The following SMYD3 variants were observed in gnomAD, a reference collection of about 807,000 sequenced individuals.
The protein encoded by SMYD3 is SET and MYND domain containing 3, also known as histone-lysine N-methyltransferase SMYD3.
Under a neutral mutation model 57.7 loss-of-function variants are expected in SMYD3, and 36 were observed. The observed-to-expected ratio is 0.62, with a 90% confidence interval of 0.48 to 0.82. The LOEUF is 0.82. Among genes scored for constraint, SMYD3 ranks in the 40% least tolerant of loss-of-function variants. The pLI, the probability that SMYD3 is intolerant of heterozygous loss-of-function variation, is 0.00. For synonymous variants in SMYD3, 211 were observed against 195.0 expected (o/e 1.08, Z -0.68); for missense variants, 515 against 538.8 (o/e 0.96, Z 0.44).
intron 5 of SMYD3, among the ~76,000 whole-genome samples, chr1:246,151,366 T>C (rs1200362499): frequency 6.6e-6 from 1 of 152,038 alleles, no homozygotes; most frequent in Non-Finnish European, 1.5e-5. Context: ...TGAATCTAAC[T>C]CCCTTTTTTT....
chr1:246,067,669 C>T (rs1558197573), intron 5 of SMYD3, among the ~76,000 whole-genome samples: 2 of 152,100 alleles, frequency 1.3e-5, no homozygotes, highest in Admixed American at 6.6e-5. Context: ...GCAGTAAGGG[C>T]GACTCGCTCC....
intron 5 of SMYD3, among the ~76,000 whole-genome samples, chr1:246,277,278 A>G (rs2064352748): frequency 6.6e-6 from 1 of 152,242 alleles, no homozygotes; most frequent in Admixed American, 6.5e-5. Context: ...AACATCATTT[A>G]TCAAGGAAAT....
At chr1:246,294,668 G>A (rs188748708) in intron 5 of SMYD3, among the ~76,000 whole-genome samples, 2 of 151,856 alleles carry the variant, frequency 1.3e-5, no homozygotes, top group East Asian at 1.9e-4. Flanking sequence ...GTGCAATCTC[G>A]GCTCACTGCA....
At chr1:246,304,519 A>G (rs761831160) in intron 5 of SMYD3, among the ~76,000 whole-genome samples, 8 of 152,192 alleles carry the variant, frequency 5.3e-5, no homozygotes, top group Non-Finnish European at 7.3e-5. Flanking sequence ...ATGAATACAT[A>G]AGCAGGAAAA....
At chr1:245,775,290 GA>G (rs2046533380) in intron 10 of SMYD3, among the ~76,000 whole-genome samples, 1 of 152,210 alleles carries the variant, frequency 6.6e-6, no homozygotes, top group African/African-American at 2.4e-5. Flanking sequence ...GAAGTGTGGG[GA>G]AAGGAAAGAG....
chr1:246,205,550 G>A (rs529462185), intron 5 of SMYD3, among the ~76,000 whole-genome samples: 47 of 152,324 alleles, frequency 3.1e-4, no homozygotes, highest in African/African-American at 1.1e-3. Context: ...GGCCCAGCGT[G>A]GTGGCTCACG....
At chr1:246,493,983 T>A (rs2068316734) in intron 1 of SMYD3, among the ~76,000 whole-genome samples, 1 of 152,168 alleles carries the variant, frequency 6.6e-6, no homozygotes, top group Non-Finnish European at 1.5e-5. Context: ...GCTCAGGCCT[T>A]CATCACTTCA....
chr1:246,028,999 A>G (rs1362164791), intron 5 of SMYD3, among the ~76,000 whole-genome samples: 1 of 152,214 alleles, frequency 6.6e-6, no homozygotes, highest in Non-Finnish European at 1.5e-5. Flanking sequence ...TGTTCAATAA[A>G]TGGTGTTGGG....
rs550083824 is a variant in SMYD3, at chr1:245,879,431, AG to A, written c.814-15546del. 4.9e-3 allele frequency among the ~76,000 whole-genome samples: 745 copies of A among 152,338 alleles called. 7 individuals are homozygous for A. Among genetic ancestry groups the A allele is most frequent in the Non-Finnish European group, 8.8e-3 (602 of 68,032 alleles). Reference sequence around the variant, plus strand: ...CAGCAGAACACTGCGATGGAGACGAAGAGTGTAAGAGGACAACGCTGAGTAA... The same window carrying A: ...CAGCAGAACACTGCGATGGAGACGAAAGTGTAAGAGGACAACGCTGAGTAA... On this transcript the variant is annotated intron_variant, in intron 8 of 11. Coordinates refer to ENST00000490107, the MANE Select transcript of SMYD3 (RefSeq NM_001167740.2).
intron 1 of SMYD3, among the ~76,000 whole-genome samples, chr1:246,407,782 C>T (rs1255841933): frequency 1.3e-5 from 2 of 151,848 alleles, no homozygotes; most frequent in East Asian, 3.9e-4. Context: ...GCAGAGGTTG[C>T]AGTGAGCCGA....
At chr1:246,380,855 G>A (rs2066376697) in intron 1 of SMYD3, among the ~76,000 whole-genome samples, 1 of 152,182 alleles carries the variant, frequency 6.6e-6, no homozygotes, top group African/African-American at 2.4e-5. Context: ...TATAGCCATG[G>A]GCTACTGTCC....
chr1:246,009,299 G>A (rs2059234817), intron 5 of SMYD3, among the ~76,000 whole-genome samples: 1 of 152,164 alleles, frequency 6.6e-6, no homozygotes, highest in Admixed American at 6.5e-5. Context: ...TACGTGATTT[G>A]TCTAGGTTGT....
chr1:246,037,306 A>C lies in SMYD3; in HGVS notation c.532-107369T>G, dbSNP rs563670676. ...AGGTGTTAACATTCTGCTGTTTGCC[A>C]ATCTGATAGGTTAAAAGTGACATTT... On this transcript the variant is annotated intron_variant, in intron 5 of 11. Transcript: ENST00000490107. Among the ~76,000 whole-genome samples the C allele has an allele frequency of 1.3e-3, 200 of 152,304 alleles. 1 individual carries two copies. Among genetic ancestry groups the C allele is most frequent in the Admixed American group, 1.9e-3 (29 of 15,290 alleles).
In SMYD3 at chr1:246,111,805, G is replaced by A. The variant is rs6674153; in HGVS notation, c.532-181868C>T. Among the ~76,000 whole-genome samples, 9 of 152,134 alleles carry A rather than the reference G, an allele frequency of 5.9e-5. No homozygotes were observed. The South Asian group carries it at 1.9e-3, about 32-fold the overall frequency. On this transcript the variant is annotated intron_variant, in intron 5 of 11. Coordinates refer to ENST00000490107, the MANE Select transcript of SMYD3 (RefSeq NM_001167740.2). ...GACTACTTCACCATGTGAGGTAAAC[G>A]GTAGAGGCAGCAATAGGTCTGCTCA... is the stretch of plus-strand genomic sequence containing the variant.
chr1:246,083,477 G>C (rs180801462), intron 5 of SMYD3, among the ~76,000 whole-genome samples: 1 of 94,112 alleles, frequency 1.1e-5, no homozygotes, highest in Non-Finnish European at 2.6e-5. Flanking sequence ...GATAATGATC[G>C]ATAAATACTG....
intron 2 of SMYD3, among the ~76,000 whole-genome samples, chr1:246,338,819 G>A (rs147518435): frequency 7.2e-5 from 11 of 152,266 alleles, no homozygotes; most frequent in African/African-American, 2.4e-4. Flanking sequence ...TGGGAGTGAC[G>A]CCTATCTTGA....
chr1:246,250,612 C>T (rs2063783219), intron 5 of SMYD3, among the ~76,000 whole-genome samples: 1 of 152,078 alleles, frequency 6.6e-6, no homozygotes, highest in South Asian at 2.1e-4. Context: ...TCTATTGAGT[C>T]TGAAATTAAA....
At chr1:246,044,244 GT>G (rs1191657743) in intron 5 of SMYD3, among the ~76,000 whole-genome samples, 1 of 152,136 alleles carries the variant, frequency 6.6e-6, no homozygotes, top group South Asian at 2.1e-4. Context: ...TTAGTTCTCA[GT>G]GCAAATTATA....
At chr1:245,935,018 G>A (rs898784250) in intron 5 of SMYD3, among the ~76,000 whole-genome samples, 1 of 152,186 alleles carries the variant, frequency 6.6e-6, no homozygotes, top group Non-Finnish European at 1.5e-5. Flanking sequence ...AAAGACAGAA[G>A]CAAGTAGGAG....
Sources: allele counts gnomAD v4.1 joint callset (sites outside exome capture counted in the v4.1 genomes callset), GRCh38; gene constraint gnomAD v4.1.1; transcripts MANE v1.5; gene names NCBI Gene and HGNC (gene_info 2026-07-23, HGNC 2026-07-21).